EHBP1: variants seen among roughly 807,000 people sequenced by gnomAD.
EHBP1 encodes EH domain-binding protein 1.
In EHBP1, 55 loss-of-function variants were observed where a neutral mutation model predicts 144.0. That is an observed-to-expected ratio of 0.38 (90% CI 0.31 to 0.48). The LOEUF (loss-of-function observed/expected upper bound fraction) is 0.48. EHBP1 is among the 20% of genes least tolerant of loss of function. EHBP1 has a pLI of 0.98. For missense variants in EHBP1, 1,200 were observed against 1,364.2 expected, an observed-to-expected ratio of 0.88 and a Z score of 1.90; for synonymous variants, 469 against 472.7, an observed-to-expected ratio of 0.99 and a Z score of 0.10.
At position 62,874,389 on chromosome 2, in the gene EHBP1, A is replaced by G. The variant is rs373709686; in HGVS notation, c.1042A>G (p.Asn348Asp). The change falls in exon 10 of 23, where the codon AAT (asparagine) becomes GAT (aspartate). Residue 348 changes from asparagine to aspartate, a missense_variant. Asn to Asp is a conservative substitution (Grantham distance 23). Coordinates refer to ENST00000431489, the MANE Select transcript of EHBP1 (RefSeq NM_001142616.3). ...ACCTAAATCAACTCCTCCTCCAAAT[A>G]ATTTGGTAAATCCTGTTCAAGAACT... ...YEPKSTPPPNNLVNPVQELET... is the reference protein window; with the variant it reads ...YEPKSTPPPNDLVNPVQELET... 6.2e-7 allele frequency: 1 copy of G among 1,609,348 alleles called. No homozygotes were observed. The highest frequency in any genetic ancestry group is 1.3e-5 in the African/African-American group (1 of 74,774).
chr2:62,847,978 A>T (rs1348737617), intron 7 of EHBP1, among the ~76,000 whole-genome samples: 2 of 152,188 alleles, frequency 1.3e-5, no homozygotes, highest in East Asian at 3.8e-4. Context: ...TTAAAATTTA[A>T]AAGATTGGCA....
At chr2:62,889,091 T>C (rs1330304521) in intron 10 of EHBP1, among the ~76,000 whole-genome samples, 1 of 111,878 alleles carries the variant, frequency 8.9e-6, no homozygotes, top group Non-Finnish European at 1.7e-5. Context: ...TGAGGCAGAG[T>C]CTCACTCTGT....
At chr2:62,681,340 G>GTATATATATATATA (rs768323831) in intron 1 of EHBP1, among the ~76,000 whole-genome samples, 595 of 58,530 alleles carry the variant, frequency 0.01, 56 homozygotes, top group South Asian at 0.033. Flanking sequence ...ATGTGTGTGT[G>GTATATATATATATA]TATATATATA....
chr2:62,737,600 C>A (rs900393737), intron 2 of EHBP1, among the ~76,000 whole-genome samples: 2 of 152,134 alleles, frequency 1.3e-5, no homozygotes, highest in African/African-American at 4.8e-5. Flanking sequence ...GATATTTCAG[C>A]TTGTTCAGCT....
intron 16 of EHBP1, 32 bp from the exon 17 acceptor site, chr2:62,993,498 G>T (rs1426220546): frequency 1.2e-5 from 17 of 1,462,780 alleles, no homozygotes; most frequent in Non-Finnish European, 1.6e-5. Flanking sequence ...ATGAGATCAG[G>T]ACTCTCTTAC....
At chr2:62,938,743 A>G (rs1343616146) in intron 10 of EHBP1, among the ~76,000 whole-genome samples, 1 of 152,060 alleles carries the variant, frequency 6.6e-6, no homozygotes, top group Non-Finnish European at 1.5e-5. Context: ...TACAAGTACC[A>G]TATTTTCCAC....
At chr2:62,861,205 C>A (rs1573765572) in intron 8 of EHBP1, among the ~76,000 whole-genome samples, 3 of 146,242 alleles carry the variant, frequency 2.1e-5, no homozygotes, top group Admixed American at 2.0e-4. Flanking sequence ...TCTCGGCTCA[C>A]TGCAACGTCC....
chr2:63,015,098 T>G (rs528485599), intron 19 of EHBP1, among the ~76,000 whole-genome samples: 1 of 152,302 alleles, frequency 6.6e-6, no homozygotes, highest in East Asian at 1.9e-4. Context: ...TGAGGAAAAA[T>G]TTTGCCAGTG....
At chr2:62,840,065 A>G (rs2047672555) in intron 7 of EHBP1, among the ~76,000 whole-genome samples, 1 of 152,082 alleles carries the variant, frequency 6.6e-6, no homozygotes, top group Non-Finnish European at 1.5e-5. Context: ...AGCTGGAGGC[A>G]TCACACTACC....
At chr2:62,734,964 G>C (rs972713672) in intron 2 of EHBP1, among the ~76,000 whole-genome samples, 7 of 152,084 alleles carry the variant, frequency 4.6e-5, no homozygotes, top group Non-Finnish European at 8.8e-5. Flanking sequence ...GCAGTGGCGC[G>C]ATCACGGCAC....
chr2:62,984,711 A>G (rs1230402941), intron 15 of EHBP1, among the ~76,000 whole-genome samples: 2 of 152,170 alleles, frequency 1.3e-5, no homozygotes, highest in Non-Finnish European at 2.9e-5. Context: ...AGAAGACCTG[A>G]GCTGTATAGA....
intron 10 of EHBP1, among the ~76,000 whole-genome samples, chr2:62,894,492 A>G (rs936583714): frequency 6.6e-6 from 1 of 152,170 alleles, no homozygotes; most frequent in Non-Finnish European, 1.5e-5. Flanking sequence ...AGTTCACTAC[A>G]TGAGCAAAGA....
chr2:62,885,341 C>T (rs1373950149), intron 10 of EHBP1, among the ~76,000 whole-genome samples: 2 of 152,108 alleles, frequency 1.3e-5, no homozygotes, highest in East Asian at 1.9e-4. Context: ...CACATAAACT[C>T]TACACTTCAG....
Position 63,045,092 on chromosome 2 carries a change from C to T in EHBP1, c.3304C>T (p.Arg1102Ter). ...EDWQKTEAQK[R>*]REQLLLDELV... ...CTGGCAGAAGACCGAGGCCCAGAAG[C>T]GACGCGAACAGCTTCTGCTAGATGA... Residue 1102 changes from arginine (R) to a stop codon, truncating the protein, a stop_gained, in exon 22 of 23, where the codon CGA (arginine) becomes TGA (stop). Coordinates refer to ENST00000431489, the MANE Select transcript of EHBP1 (RefSeq NM_001142616.3). LOFTEE classifies it high-confidence loss of function. This position sits in a 1 kb window ranked among gnomAD's most constrained non-coding sequence, Gnocchi z 5.7. The T allele has an allele frequency of 6.3e-7, 1 of 1,575,256 alleles. No homozygotes were observed. Among genetic ancestry groups the T allele is most frequent in the Non-Finnish European group, 8.6e-7 (1 of 1,159,654 alleles).
chr2:62,679,716 T>A (rs1268485801), intron 1 of EHBP1, among the ~76,000 whole-genome samples: 1 of 152,174 alleles, frequency 6.6e-6, no homozygotes, highest in Non-Finnish European at 1.5e-5. Context: ...CAAAAAACAT[T>A]TTTAAAAAAA....
intron 14 of EHBP1, among the ~76,000 whole-genome samples, chr2:62,963,181 A>G (rs2058079559): frequency 6.6e-6 from 1 of 152,216 alleles, no homozygotes; most frequent in African/African-American, 2.4e-5. Flanking sequence ...AGTGAATCCA[A>G]ATGGCTTAAG....
At chr2:62,833,354 T>C (rs1290763044) in intron 7 of EHBP1, among the ~76,000 whole-genome samples, 2 of 152,224 alleles carry the variant, frequency 1.3e-5, no homozygotes, top group Admixed American at 6.5e-5. Context: ...ACCAAGATCA[T>C]TGATGAAGCT....
At chr2:63,038,888 C>G (rs768507505) in intron 21 of EHBP1, 72 bp downstream of exon 21, 7 of 1,414,968 alleles carry the variant, frequency 4.9e-6, no homozygotes, top group Non-Finnish European at 7.0e-6. Flanking sequence ...ATATAATACA[C>G]TTCTGGTCTT....
intron 2 of EHBP1, among the ~76,000 whole-genome samples, chr2:62,730,207 T>C (rs1177755487): frequency 1.3e-5 from 2 of 152,100 alleles, no homozygotes; most frequent in Non-Finnish European, 2.9e-5. Flanking sequence ...CCCCCACTTA[T>C]TGATATCTTA....
Sources: allele counts gnomAD v4.1 joint callset (sites outside exome capture counted in the v4.1 genomes callset), GRCh38; gene constraint gnomAD v4.1.1; non-coding constraint Gnocchi (gnomAD v3.1); transcripts MANE v1.5; gene names NCBI Gene and HGNC (gene_info 2026-07-23, HGNC 2026-07-21).